Variants in NCBP3 observed in about 807,000 individuals in gnomAD.
The protein encoded by NCBP3 is nuclear cap-binding protein subunit 3.
A neutral mutation model predicts 75.7 loss-of-function variants in NCBP3; 20 were observed. The observed-to-expected ratio is 0.26, with a 90% CI of 0.19 to 0.38. The LOEUF is 0.38. Among genes scored for constraint, NCBP3 ranks in the 10% least tolerant of loss-of-function variants. The probability of loss-of-function intolerance (pLI) is 1.00; values close to 1 mark genes in which losing one functional copy is unlikely to be tolerated. For synonymous variants in NCBP3, 293 were observed against 290.5 expected (o/e 1.01, Z -0.09); for missense variants, 678 against 796.9 (o/e 0.85, Z 1.80).
chr17:3,824,942 CT>C lies in NCBP3; in HGVS notation c.795del (p.Asp266MetfsTer16). The C allele has an allele frequency of 6.8e-7, 1 of 1,481,352 alleles. No homozygotes were observed. Among genetic ancestry groups the C allele is most frequent in the Non-Finnish European group, 9.1e-7 (1 of 1,093,190 alleles). The allele number at this position is 1,481,352 out of a possible 1,614,324, so 91.8% of individuals were successfully genotyped here. On this transcript the variant is annotated frameshift_variant and splice_region_variant, in exon 7 of 13. Coordinates refer to ENST00000389005, the MANE Select transcript of NCBP3 (RefSeq NM_001114118.3). LOFTEE classifies it high-confidence loss of function. ...GNRLFMRFATKDDKKELGAAR... is the reference protein window; with the variant it reads ...GNRLFMRFATXDDKKELGAAR... ...AAACAATACCAAATATTACATTTAC[CT>C]TTTGTAGCAAATCTCATGAATAACC...
At chr17:3,830,339 T>TA (rs773809235) in intron 3 of NCBP3, among the ~76,000 whole-genome samples, 11 of 152,074 alleles carry the variant, frequency 7.2e-5, no homozygotes, top group Non-Finnish European at 1.3e-4. Flanking sequence ...TATTATGTGG[T>TA]AAAAAATGAG....
In NCBP3 at chr17:3,846,049, G is replaced by A. The variant is rs1044830800; in HGVS notation, c.175C>T (p.Leu59=). The change falls in exon 1 of 13, where the codon CTG becomes TTG. Residue 59 remains leucine (L), a synonymous_variant. Transcript: ENST00000389005. This position sits in a 1 kb window ranked among gnomAD's most constrained non-coding sequence, Gnocchi z 4.6. ...IVPVRRSLKE[L]IPDTSRRYEN... is the part of the protein sequence containing the mutation. ...CCGACCCCCGCCCGTACCGGGATCA[G>A]TTCCTTGAGCGAGCGCCGCACAGGC... 32 of 1,547,814 alleles carry A rather than the reference G, an allele frequency of 2.1e-5. No homozygotes were observed. Among genetic ancestry groups the A allele is most frequent in the Non-Finnish European group, 2.7e-5 (31 of 1,145,384 alleles).
chr17:3,828,697 G>T (rs2053827742), intron 4 of NCBP3, among the ~76,000 whole-genome samples: 1 of 152,082 alleles, frequency 6.6e-6, no homozygotes, highest in Admixed American at 6.6e-5. Flanking sequence ...AGGGCAAGCA[G>T]GTGACATTCT....
rs972005829 is a variant in NCBP3 at position 3,839,989 on chromosome 17, T to C, written c.355+111A>G. 2.7e-5 allele frequency: 20 copies of C among 747,798 alleles called. 1 individual carries two copies. Among genetic ancestry groups the C allele is most frequent in the Middle Eastern group, 2.4e-4 (1 of 4,216 alleles). 46.3% of individuals were successfully genotyped at this position (747,798 alleles called of 1,614,324 possible). On this transcript the variant is annotated intron_variant, in intron 3 of 12. Coordinates refer to ENST00000389005, the MANE Select transcript of NCBP3 (RefSeq NM_001114118.3). ...CTTCACAGGTCCCTTCTCACAAGAGTGCTTGGATAAGGAGTGGACACGCAA... is the reference window on the plus strand; with the variant it reads ...CTTCACAGGTCCCTTCTCACAAGAGCGCTTGGATAAGGAGTGGACACGCAA...
chr17:3,824,510 T>TA (rs2143668204), intron 7 of NCBP3: 1 of 164,378 alleles, frequency 6.1e-6, no homozygotes, highest in East Asian at 1.8e-4. Flanking sequence ...TACACATACA[T>TA]ATATACACAT....
rs1357801657 is a variant in NCBP3, at chr17:3,831,553, C to T, written c.356-2185G>A. 5.4e-5 allele frequency among the ~76,000 whole-genome samples: 4 copies of T among 74,730 alleles called. 1 individual carries two copies. Among genetic ancestry groups the T allele is most frequent in the South Asian group, 5.6e-4 (1 of 1,784 alleles). The allele number at this position is 74,730 out of a possible 152,430, so 49.0% of individuals were successfully genotyped here. ...GCGCCACTGCACTCCAGCCTAGCGACGGAGCAAGACTCTGTCTCAAAAAAA... is the reference window on the plus strand; with the variant it reads ...GCGCCACTGCACTCCAGCCTAGCGATGGAGCAAGACTCTGTCTCAAAAAAA... On this transcript the variant is annotated intron_variant, in intron 3 of 12. Transcript: ENST00000389005.
chr17:3,821,194 A>C, intron 9 of NCBP3, 55 bp downstream of exon 9: 2 of 1,279,728 alleles, frequency 1.6e-6, no homozygotes, highest in Non-Finnish European at 2.3e-6. Context: ...TAAGAATAAA[A>C]ATATGATTTC....
chr17:3,841,458 T>TGA (rs1156364717), intron 2 of NCBP3, among the ~76,000 whole-genome samples: 1 of 152,196 alleles, frequency 6.6e-6, no homozygotes, highest in East Asian at 1.9e-4. Context: ...GTACTAACTC[T>TGA]GAGACTATCA....
rs1376062195 is a variant in NCBP3 at position 3,812,760 on chromosome 17, T to C, written c.*284A>G. 43 of 1,241,458 alleles carry C rather than the reference T, an allele frequency of 3.5e-5. No individual in the cohort carries two copies. Among genetic ancestry groups the C allele is most frequent in the Non-Finnish European group, 4.0e-5 (39 of 985,406 alleles). 76.9% of individuals were successfully genotyped at this position (1,241,458 alleles called of 1,614,324 possible). A position where few individuals can be genotyped will look rare whatever the true frequency, so the allele number is the denominator to read the frequency against. On this transcript the variant is annotated 3_prime_UTR_variant, in exon 13 of 13. Coordinates refer to ENST00000389005, the MANE Select transcript of NCBP3 (RefSeq NM_001114118.3). ...ACAATGTTAAAAATATTAAGAAAAATGTCTACAAAATCTGGAGGGCTGCCT... is the reference window on the plus strand; with the variant it reads ...ACAATGTTAAAAATATTAAGAAAAACGTCTACAAAATCTGGAGGGCTGCCT...
chr17:3,820,398 A>G (rs1054912180), intron 9 of NCBP3, among the ~76,000 whole-genome samples: 7 of 152,238 alleles, frequency 4.6e-5, no homozygotes, highest in African/African-American at 1.7e-4. Flanking sequence ...TAGTTCTATT[A>G]GGCATGTAGA....
At chr17:3,841,602 CTTTTTTTTTT>C (rs373561293) in intron 2 of NCBP3, among the ~76,000 whole-genome samples, 2 of 118,034 alleles carry the variant, frequency 1.7e-5, no homozygotes, top group Non-Finnish European at 3.5e-5. Context: ...AATTCTCTCT[CTTTTTTTTTT>C]TTTTTTTTTG....
chr17:3,822,375 A>T (rs188070387), intron 7 of NCBP3: 9 of 195,952 alleles, frequency 4.6e-5, no homozygotes, highest in Non-Finnish European at 9.2e-5. Context: ...GTACCCAGGA[A>T]TCAAAAAGAC....
chr17:3,817,750 G>C lies in NCBP3; in HGVS notation c.1310+513C>G, dbSNP rs1015571461. Among the ~76,000 whole-genome samples the C allele has an allele frequency of 3.3e-5, 5 of 152,244 alleles. 1 individual carries two copies. The highest frequency in any genetic ancestry group is 6.5e-5 in the Admixed American group (1 of 15,298). ...ACTTTGAGGAATTTATTGAGTTAGT[G>C]CAATTGTAAGAAAATAGAAACCTAA... is the stretch of plus-strand genomic sequence containing the variant. On this transcript the variant is annotated intron_variant, in intron 10 of 12. Transcript: ENST00000389005.
intron 3 of NCBP3, among the ~76,000 whole-genome samples, chr17:3,836,662 A>G (rs565907873): frequency 1.3e-4 from 20 of 151,980 alleles, no homozygotes; most frequent in Admixed American, 8.5e-4. Flanking sequence ...CTCAAAAAAA[A>G]AAAAAAAAAA....
chr17:3,818,671 C>T lies in NCBP3; in HGVS notation c.1001-99G>A. The T allele has an allele frequency of 7.6e-7, 1 of 1,313,458 alleles. No individual in the cohort carries two copies. The allele number at this position is 1,313,458 out of a possible 1,614,324, so 81.4% of individuals were successfully genotyped here. On this transcript the variant is annotated intron_variant, in intron 9 of 12. Transcript: ENST00000389005. The surrounding 1 kb of genome is among the most constrained non-coding windows in gnomAD (Gnocchi z 4.7). ...TGACCTTTTTAAAAGGTGGGGTTCCCATCCCTGACATTTTATTGGAGCACT... is the reference window on the plus strand; with the variant it reads ...TGACCTTTTTAAAAGGTGGGGTTCCTATCCCTGACATTTTATTGGAGCACT...
chr17:3,843,009 C>T lies in NCBP3; in HGVS notation c.249+77G>A, dbSNP rs553525196. On this transcript the variant is annotated intron_variant, in intron 2 of 12. Coordinates refer to ENST00000389005, the MANE Select transcript of NCBP3 (RefSeq NM_001114118.3). ...AACAAAATAAAAGAGGAAATATTTA[C>T]TGTTATGTCCTAGGGATCAAATTCA... The T allele has an allele frequency of 1.2e-5, 13 of 1,120,280 alleles. No individual in the cohort carries two copies. The African/African-American group carries it at 1.4e-4, about 12-fold the overall frequency. 69.4% of individuals were successfully genotyped at this position (1,120,280 alleles called of 1,614,324 possible).
rs1376296603 is a variant in NCBP3, at chr17:3,840,165, T to C, written c.290A>G (p.His97Arg). 1.9e-6 allele frequency: 3 copies of C among 1,551,604 alleles called. No individual in the cohort carries two copies. Among genetic ancestry groups the C allele is most frequent in the Non-Finnish European group, 1.7e-6 (2 of 1,147,006 alleles). ...GGCAAGATTTACTTCCGATCGAAAA[T>C]GGAAGCGCTTGGCTCGCTGCTCTTT... is the stretch of plus-strand genomic sequence containing the variant. The part of the protein sequence containing the change: ...EKKEQRAKRF[H>R]FRSEVNLAQR... Residue 97 changes from histidine to arginine, a missense_variant, in exon 3 of 13, where the codon CAT (histidine) becomes CGT (arginine). Physicochemically the swap from His to Arg is conservative, Grantham distance 29. Transcript: ENST00000389005.
In NCBP3 at chr17:3,832,434, TC is replaced by T. The variant is rs550362823; in HGVS notation, c.356-3067del. 8.0e-4 allele frequency among the ~76,000 whole-genome samples: 94 copies of T among 117,332 alleles called. 25 individuals carry two copies. The highest frequency in any genetic ancestry group is 4.8e-3 in the Middle Eastern group (1 of 210). The allele number at this position is 117,332 out of a possible 152,430, so 77.0% of individuals were successfully genotyped here. ...AGATCACAAGGTCAGATCGAGACCA[TC>T]CTGGCCAACACGGTGAAACCCCGTC... is the stretch of plus-strand genomic sequence containing the variant. On this transcript the variant is annotated intron_variant, in intron 3 of 12. Transcript: ENST00000389005.
At chr17:3,840,619 G>C (rs1178974305) in intron 2 of NCBP3, among the ~76,000 whole-genome samples, 1 of 152,186 alleles carries the variant, frequency 6.6e-6, no homozygotes, top group Non-Finnish European at 1.5e-5. Flanking sequence ...AAAAAGGTTT[G>C]CTGGAGATAC....
Sources: allele counts gnomAD v4.1 joint callset (sites outside exome capture counted in the v4.1 genomes callset), GRCh38; gene constraint gnomAD v4.1.1; non-coding constraint Gnocchi (gnomAD v3.1); transcripts MANE v1.5; gene names NCBI Gene and HGNC (gene_info 2026-07-23, HGNC 2026-07-21).